MED17: variants seen among roughly 807,000 people sequenced by gnomAD.
MED17 encodes the protein mediator of RNA polymerase II transcription subunit 17.
Under a neutral mutation model 80.8 loss-of-function variants are expected in MED17, and 49 were observed. The observed-to-expected ratio is 0.61, with a 90% confidence interval of 0.48 to 0.77. The LOEUF (loss-of-function observed/expected upper bound fraction) is 0.77, where lower values mean the gene tolerates loss of function less well. MED17 is among the 30% of genes least tolerant of loss of function. The probability of loss-of-function intolerance (pLI) is 0.00; values close to 1 mark genes in which losing one functional copy is unlikely to be tolerated. For missense variants in MED17, 718 were observed against 787.0 expected, an observed-to-expected ratio of 0.91 and a Z score of 1.05; for synonymous variants, 281 against 280.4, an observed-to-expected ratio of 1.00 and a Z score of -0.02.
chr11:93,796,477 G>A lies in MED17; in HGVS notation c.1080G>A (p.Glu360=). ...NDKKSQKFAT[E]KQCPEDHLYV... ...AGAAATCCCAAAAATTTGCTACTGAGAAGCAATGTCCGGAGGACCACCTTT... is the reference window on the plus strand; with the variant it reads ...AGAAATCCCAAAAATTTGCTACTGAAAAGCAATGTCCGGAGGACCACCTTT... The change falls in exon 7 of 12, where the codon GAG becomes GAA. Residue 360 remains glutamate (E), a synonymous_variant. Transcript: ENST00000251871. 1.2e-6 allele frequency: 2 copies of A among 1,613,914 alleles called. No individual in the cohort carries two copies. The highest frequency in any genetic ancestry group is 1.7e-6 in the Non-Finnish European group (2 of 1,179,836).
intron 9 of MED17, among the ~76,000 whole-genome samples, chr11:93,805,885 C>T (rs1427115420): frequency 6.6e-6 from 1 of 151,076 alleles, no homozygotes; most frequent in African/African-American, 2.4e-5. Context: ...GATCACTCAA[C>T]GTCAGGATTT....
intron 1 of MED17, among the ~76,000 whole-genome samples, chr11:93,786,833 A>G (rs142447769): frequency 1.7e-3 from 261 of 152,308 alleles, no homozygotes; most frequent in Non-Finnish European, 3.2e-3. Flanking sequence ...AACCTGCAGA[A>G]AAAGTTGCAC....
intron 1 of MED17, among the ~76,000 whole-genome samples, chr11:93,785,351 T>C (rs1163990178): frequency 6.6e-6 from 1 of 152,052 alleles, no homozygotes; most frequent in Non-Finnish European, 1.5e-5. Context: ...ATAAATGAAT[T>C]ATAGGGAAAG....
chr11:93,793,670 G>A, intron 3 of MED17, 58 bp from the exon 4 acceptor site: 1 of 1,216,342 alleles, frequency 8.2e-7, no homozygotes, highest in South Asian at 1.2e-5. Context: ...ATTTAATAAT[G>A]TGTGTCGGAA....
chr11:93,808,904 C>G (rs920174479), intron 10 of MED17: 1 of 152,854 alleles, frequency 6.5e-6, no homozygotes, highest in African/African-American at 2.4e-5. Context: ...TGTCCCAGCA[C>G]TACTGCCTTC....
chr11:93,804,066 G>T (rs1943999191), intron 9 of MED17, among the ~76,000 whole-genome samples: 1 of 144,402 alleles, frequency 6.9e-6, no homozygotes, highest in Non-Finnish European at 1.5e-5. Flanking sequence ...CACACATAAA[G>T]GGGAGTTTAT....
rs144578034 is a variant in MED17 at position 93,798,706 on chromosome 11, A to G, written c.1328+987A>G. ...AGGGATTTAGTGTCTATGGTCCCCCACTTATTCCCGTCAATAGCAGGTATA... is the reference window on the plus strand; with the variant it reads ...AGGGATTTAGTGTCTATGGTCCCCCGCTTATTCCCGTCAATAGCAGGTATA... On this transcript the variant is annotated intron_variant, in intron 8 of 11. Coordinates refer to ENST00000251871, the MANE Select transcript of MED17 (RefSeq NM_004268.5). Among the ~76,000 whole-genome samples, 923 of 152,276 alleles carry G rather than the reference A, an allele frequency of 6.1e-3. 3 individuals are homozygous for G. The highest frequency in any genetic ancestry group is 0.01 in the Non-Finnish European group (714 of 68,028).
chr11:93,803,776 G>A lies in MED17; in HGVS notation c.1466+1804G>A, dbSNP rs372138915. 4.6e-5 allele frequency among the ~76,000 whole-genome samples: 7 copies of A among 151,814 alleles called. No individual in the cohort carries two copies. The East Asian group carries it at 5.8e-4, about 13-fold the overall frequency. On this transcript the variant is annotated intron_variant, in intron 9 of 11. Transcript: ENST00000251871. ...AGACTTAGAACTAAGACTAAAACTG[G>A]GATTATGGTTACAGGTCCCAATCTA...
chr11:93,811,955 G>T lies in MED17; in HGVS notation c.1847G>T (p.Ser616Ile), dbSNP rs750464269. The stretch of plus-strand genomic sequence containing the variant: ...GATGTTTTACAAGATAACAAATGGA[G>T]TCATCTTCGTGGGCCATTCAAAGAA... The part of the protein sequence containing the change: ...KSDVLQDNKW[S>I]HLRGPFKEVQ... Residue 616 changes from serine (S) to isoleucine (I), a missense_variant, in exon 12 of 12, where the codon AGT (serine) becomes ATT (isoleucine). By Grantham distance (142) the Ser-to-Ile change is moderately radical. Transcript: ENST00000251871. The T allele has an allele frequency of 1.9e-6, 3 of 1,613,976 alleles. No homozygotes were observed. The highest frequency in any genetic ancestry group is 2.7e-5 in the African/African-American group (2 of 74,914).
intron 1 of MED17, 66 bp from the exon 2 acceptor site, chr11:93,787,935 T>C: frequency 1.5e-6 from 2 of 1,324,098 alleles, no homozygotes; most frequent in Non-Finnish European, 2.2e-6. Context: ...TAAACCTAAG[T>C]GAGCTGTCTG....
Position 93,796,458 on chromosome 11 carries a change from C to T in MED17, c.1061C>T (p.Ser354Phe). 1 of 1,613,502 alleles carries T rather than the reference C, an allele frequency of 6.2e-7. No homozygotes were observed. Among genetic ancestry groups the T allele is most frequent in the Non-Finnish European group, 8.5e-7 (1 of 1,179,474 alleles). ...TGCCATTCCTCAAATGATAAGAAATCCCAAAAATTTGCTACTGAGAAGCAA... is the reference window on the plus strand; with the variant it reads ...TGCCATTCCTCAAATGATAAGAAATTCCAAAAATTTGCTACTGAGAAGCAA... ...SLCHSSNDKK[S>F]QKFATEKQCP... is the part of the protein sequence containing the mutation. Residue 354 changes from serine to phenylalanine, a missense_variant, in exon 7 of 12, where the codon TCC becomes TTC. Physicochemically the swap from Ser to Phe is radical, Grantham distance 155 (BLOSUM62 -2). Transcript: ENST00000251871.
intron 10 of MED17, chr11:93,807,972 A>G (rs898233214): frequency 3.0e-6 from 1 of 335,544 alleles, no homozygotes; most frequent in Non-Finnish European, 5.7e-6. Flanking sequence ...GAAAGTGAAG[A>G]AAACTAGAGA....
Position 93,788,175 on chromosome 11 carries a change from T to G in MED17, c.417+8T>G, listed in dbSNP as rs762848460. 6.2e-7 allele frequency: 1 copy of G among 1,608,538 alleles called. No homozygotes were observed. Among genetic ancestry groups the G allele is most frequent in the East Asian group, 2.2e-5 (1 of 44,828 alleles). On this transcript the variant is annotated splice_region_variant and intron_variant, in intron 2 of 11. Transcript: ENST00000251871. ...GCACTTCCTCCAAAACAGGTATTTG[T>G]GGACTTTAATTGAATAATAAAATTT...
intron 9 of MED17, chr11:93,807,269 C>T (rs1010359985): frequency 2.0e-5 from 8 of 400,392 alleles, no homozygotes; most frequent in East Asian, 5.5e-5. Flanking sequence ...AAAAATTAGC[C>T]GGGCATGATG....
Position 93,790,843 on chromosome 11 carries a change from A to G in MED17, c.637+50A>G, listed in dbSNP as rs201514895. ...ACTTTCTGGCCAGGTGTGGTGGCTC[A>G]TGCGTGTAATCCTAGCACTTTGGAA... is the stretch of plus-strand genomic sequence containing the variant. On this transcript the variant is annotated intron_variant, in intron 3 of 11. Coordinates refer to ENST00000251871, the MANE Select transcript of MED17 (RefSeq NM_004268.5). 6.7e-6 allele frequency: 10 copies of G among 1,498,948 alleles called. No individual in the cohort carries two copies. The East Asian group carries it at 2.1e-4, about 31-fold the overall frequency. The allele number at this position is 1,498,948 out of a possible 1,614,324, so 92.9% of individuals were successfully genotyped here.
At chr11:93,784,945 C>G in intron 1 of MED17, 182 bp downstream of exon 1, 1 of 845,008 alleles carries the variant, frequency 1.2e-6, no homozygotes, top group African/African-American at 1.7e-5. Flanking sequence ...TAGGACACGA[C>G]TTTACGTAAT....
rs760909439 is a variant in MED17 at position 93,797,689 on chromosome 11, A to T, written c.1298A>T (p.Lys433Ile). 5.6e-6 allele frequency: 9 copies of T among 1,613,378 alleles called. No individual in the cohort carries two copies. In the South Asian group the frequency reaches 9.9e-5, roughly 18 times the overall value. The part of the protein sequence containing the change: ...SSEGLLEKII[K>I]QAKHIFLRSR... ...GAAGGGCTTCTGGAAAAAATAATTA[A>T]ACAAGCAAAGCATATTTTTCTAAGG... Residue 433 changes from lysine to isoleucine, a missense_variant, in exon 8 of 12, where the codon AAA (lysine) becomes ATA (isoleucine). Physicochemically the swap from Lys to Ile is moderately radical, Grantham distance 102 (BLOSUM62 -3). Coordinates refer to ENST00000251871, the MANE Select transcript of MED17 (RefSeq NM_004268.5).
chr11:93,812,147 A>T lies in MED17; in HGVS notation c.*83A>T, dbSNP rs116795572. The T allele has an allele frequency of 1.1e-3, 1,352 of 1,186,608 alleles. 12 individuals are homozygous for T. The African/African-American group carries it at 0.018, about 16-fold the overall frequency. 73.5% of individuals were successfully genotyped at this position (1,186,608 alleles called of 1,614,324 possible). A position where few individuals can be genotyped will look rare whatever the true frequency, so the allele number is the denominator to read the frequency against. On this transcript the variant is annotated 3_prime_UTR_variant, in exon 12 of 12. Coordinates refer to ENST00000251871, the MANE Select transcript of MED17 (RefSeq NM_004268.5). ...GATCAACTATAAGCACAAAGAAGAG[A>T]TAACTTCCAAAAGAGTGCTGTTTTT...
At position 93,811,855 on chromosome 11, in the gene MED17, C is replaced by T. The variant is rs568876133; in HGVS notation, c.1747C>T (p.Arg583Cys). The change falls in exon 12 of 12, where the codon CGT (arginine) becomes TGT (cysteine). Residue 583 changes from arginine to cysteine, a missense_variant and splice_region_variant. By Grantham distance (180) the Arg-to-Cys change is radical. Transcript: ENST00000251871. Reference sequence around the variant, plus strand: ...GATATTTTGGTTTTTCTCCACAGTTCGTAATGGACCTGAAAGTGGCAGCAA... The same window carrying T: ...GATATTTTGGTTTTTCTCCACAGTTTGTAATGGACCTGAAAGTGGCAGCAA... ...SPSGDYAISV[R>C]NGPESGSKIM... The T allele has an allele frequency of 6.1e-5, 99 of 1,613,802 alleles. No homozygotes were observed. In the East Asian group the frequency reaches 1.9e-3, roughly 31 times the overall value.
Sources: allele counts gnomAD v4.1 joint callset (sites outside exome capture counted in the v4.1 genomes callset), GRCh38; gene constraint gnomAD v4.1.1; transcripts MANE v1.5; gene names NCBI Gene and HGNC (gene_info 2026-07-23, HGNC 2026-07-21).